Variants in SEC24B observed in about 807,000 individuals in gnomAD.
The protein encoded by SEC24B is SEC24 homolog B, COPII component.
A neutral mutation model predicts 142.8 loss-of-function variants in SEC24B; 45 were observed. The ratio of observed to expected loss-of-function variants is 0.32; its 90% CI spans 0.25 to 0.40. The LOEUF is 0.40. Ranked by LOEUF, SEC24B falls within the 10% of genes least tolerant of loss-of-function variation. The pLI is 1.00. For missense variants in SEC24B, 1,409 were observed against 1,526.8 expected, an observed-to-expected ratio of 0.92 and a Z score of 1.29; for synonymous variants, 574 against 568.2, an observed-to-expected ratio of 1.01 and a Z score of -0.15.
intron 6 of SEC24B, among the ~76,000 whole-genome samples, chr4:109,497,168 A>G (rs1234949950): frequency 6.6e-6 from 1 of 152,252 alleles, no homozygotes; most frequent in East Asian, 1.9e-4. Context: ...GAGTAGTTGC[A>G]AAAGAGATCA....
intron 3 of SEC24B, among the ~76,000 whole-genome samples, chr4:109,478,744 A>T (rs531357848): frequency 5.9e-5 from 9 of 152,366 alleles, no homozygotes; most frequent in African/African-American, 2.2e-4. Flanking sequence ...CATAGTAAAA[A>T]TTAGGATAAA....
chr4:109,455,871 G>A (rs1730615293), intron 1 of SEC24B, among the ~76,000 whole-genome samples: 1 of 151,824 alleles, frequency 6.6e-6, no homozygotes, highest in Non-Finnish European at 1.5e-5. Context: ...TAGTAACTTT[G>A]TATTACTATA....
intron 18 of SEC24B, among the ~76,000 whole-genome samples, chr4:109,528,026 A>G (rs1724449245): frequency 1.3e-5 from 2 of 152,188 alleles, no homozygotes; most frequent in South Asian, 2.1e-4. Flanking sequence ...AGCAATAAAA[A>G]GGAATGAACT....
chr4:109,526,851 G>C (rs1724288850), intron 17 of SEC24B, among the ~76,000 whole-genome samples: 1 of 152,142 alleles, frequency 6.6e-6, no homozygotes, highest in African/African-American at 2.4e-5. Flanking sequence ...AATGTTCATT[G>C]TAAAACTTGG....
intron 7 of SEC24B, among the ~76,000 whole-genome samples, chr4:109,509,381 A>C (rs921936344): frequency 6.6e-6 from 1 of 152,174 alleles, no homozygotes; most frequent in South Asian, 2.1e-4. Context: ...TTAAAACTTC[A>C]TAAGTTATTT....
chr4:109,464,294 CT>C (rs796520724), intron 2 of SEC24B, among the ~76,000 whole-genome samples: 583 of 141,788 alleles, frequency 4.1e-3, no homozygotes, highest in South Asian at 0.011. Flanking sequence ...GTGGCTTGCC[CT>C]TTTTTTTTTT....
chr4:109,509,176 C>T (rs35329136), intron 7 of SEC24B, among the ~76,000 whole-genome samples: 13,727 of 152,136 alleles, frequency 0.09, 697 homozygotes, highest in Middle Eastern at 0.18. Context: ...AGGGTTCCAA[C>T]CTGCATGAAT....
intron 5 of SEC24B, among the ~76,000 whole-genome samples, chr4:109,493,846 C>T (rs1561132661): frequency 6.6e-6 from 1 of 152,172 alleles, no homozygotes; most frequent in African/African-American, 2.4e-5. Context: ...CCACCCACCT[C>T]AGTCTCCTAA....
At chr4:109,484,419 G>A (rs1019972451) in intron 4 of SEC24B, among the ~76,000 whole-genome samples, 1 of 152,102 alleles carries the variant, frequency 6.6e-6, no homozygotes, top group African/African-American at 2.4e-5. Flanking sequence ...ATTTGAATAA[G>A]GTGGTATCTG....
Position 109,531,390 on chromosome 4 carries a change from A to G in SEC24B, c.3258A>G (p.Ala1086=), listed in dbSNP as rs749571622. ...GTTTATCTTTTTCCTTGTAGAAAGC[A>G]TTTAGAACGGGTACAAGCACACGGC... ...LYVLALLKQK[A]FRTGTSTRLD... The change falls in exon 20 of 24, where the codon GCA becomes GCG. Residue 1086 remains alanine (A), a synonymous_variant. Transcript: ENST00000265175. 7 of 1,607,166 alleles carry G rather than the reference A, an allele frequency of 4.4e-6. No homozygotes were observed. In the South Asian group the frequency reaches 7.8e-5, roughly 18 times the overall value.
chr4:109,458,782 A>C (rs750691082), intron 1 of SEC24B, among the ~76,000 whole-genome samples: 2 of 152,096 alleles, frequency 1.3e-5, no homozygotes, highest in Non-Finnish European at 2.9e-5. Context: ...TCAGAATGTT[A>C]GCAGGTTATC....
chr4:109,500,834 T>G (rs1298527925), intron 6 of SEC24B, among the ~76,000 whole-genome samples: 1 of 152,008 alleles, frequency 6.6e-6, no homozygotes, highest in African/African-American at 2.4e-5. Flanking sequence ...AATTTCTGTA[T>G]TTTTAGTAGA....
At position 109,532,735 on chromosome 4, in the gene SEC24B, T is replaced by G; in HGVS notation, c.3487T>G (p.Cys1163Gly). The G allele has an allele frequency of 6.5e-7, 1 of 1,530,794 alleles. No individual in the cohort carries two copies. The highest frequency in any genetic ancestry group is 9.1e-7 in the Non-Finnish European group (1 of 1,104,026). 94.8% of individuals were successfully genotyped at this position (1,530,794 alleles called of 1,614,324 possible). ...LTREGAFLMD[C>G]GSVFYIWVGK... The stretch of plus-strand genomic sequence containing the variant: ...AAGAGAAGGTGCTTTCCTTATGGAC[T>G]GTGGCTCTGTAAGCACCCTTTACTG... Residue 1163 changes from cysteine (C) to glycine (G), a missense_variant, in exon 21 of 24, where the codon TGT (cysteine) becomes GGT (glycine). Transcript: ENST00000265175.
chr4:109,487,479 T>C (rs913034235), intron 4 of SEC24B, among the ~76,000 whole-genome samples: 2 of 152,178 alleles, frequency 1.3e-5, no homozygotes, highest in Admixed American at 1.3e-4. Context: ...AAGCCAAATT[T>C]TGAAGTTTGT....
chr4:109,495,095 A>G (rs1316841863), intron 6 of SEC24B, among the ~76,000 whole-genome samples: 1 of 152,222 alleles, frequency 6.6e-6, no homozygotes, highest in Non-Finnish European at 1.5e-5. Context: ...GATATTAGAT[A>G]TGATTTTATT....
rs149453264 is a variant in SEC24B at position 109,462,381 on chromosome 4, A to G, written c.134-520A>G. On this transcript the variant is annotated intron_variant, in intron 1 of 23. Transcript: ENST00000265175. ...AGGTGGTTCTGGCTCAGGGTCTCTC[A>G]TGAGATAACCTGTTGGCTGGGCTAT... Among the ~76,000 whole-genome samples the G allele has an allele frequency of 3.0e-3, 461 of 152,338 alleles. 3 individuals carry two copies. The highest frequency in any genetic ancestry group is 0.01 in the African/African-American group (416 of 41,586).
intron 6 of SEC24B, among the ~76,000 whole-genome samples, chr4:109,504,538 T>A (rs1265695360): frequency 6.6e-6 from 1 of 152,198 alleles, no homozygotes; most frequent in Non-Finnish European, 1.5e-5. Context: ...TCATTTTCTA[T>A]GGATTGGGAG....
chr4:109,443,147 G>A (rs898701087), intron 1 of SEC24B, among the ~76,000 whole-genome samples: 3 of 151,976 alleles, frequency 2.0e-5, no homozygotes, highest in Admixed American at 1.3e-4. Flanking sequence ...CCTTTCCAAT[G>A]GTGACCTTAC....
Position 109,511,916 on chromosome 4 carries a change from G to C in SEC24B, c.1777-41G>C, listed in dbSNP as rs538476559. On this transcript the variant is annotated intron_variant, in intron 8 of 23. Transcript: ENST00000265175. ...CTGTGTACGTTCTGTTTTTCCTTGGGGTGCCTTTTTCTGCTACAGCTTCTT... is the reference window on the plus strand; with the variant it reads ...CTGTGTACGTTCTGTTTTTCCTTGGCGTGCCTTTTTCTGCTACAGCTTCTT... 7 of 1,602,494 alleles carry C rather than the reference G, an allele frequency of 4.4e-6. No individual in the cohort carries two copies. The South Asian group carries it at 6.7e-5, about 15-fold the overall frequency.
Sources: gnomAD v4.1 joint callset for allele counts (sites outside exome capture counted in the v4.1 genomes callset) on GRCh38, gnomAD v4.1.1 for gene constraint, MANE v1.5 for transcripts, NCBI Gene and HGNC (gene_info 2026-07-23, HGNC 2026-07-21) for gene names.